TIMELESS: variants seen among roughly 807,000 people sequenced by gnomAD.
TIMELESS encodes timeless circadian regulator.
A neutral mutation model predicts 164.3 loss-of-function variants in TIMELESS; 124 were observed. The ratio of observed to expected loss-of-function variants is 0.75; its 90% CI spans 0.65 to 0.88. The LOEUF (loss-of-function observed/expected upper bound fraction) is 0.88, where lower values mean the gene tolerates loss of function less well. TIMELESS is among the 40% of genes least tolerant of loss of function. The probability of loss-of-function intolerance (pLI) is 0.00; values close to 1 mark genes in which losing one functional copy is unlikely to be tolerated. For missense variants in TIMELESS, 1,422 were observed against 1,491.4 expected (o/e 0.95, Z 0.77); for synonymous variants, 564 against 563.4 (o/e 1.00, Z -0.02).
At position 56,435,359 on chromosome 12, in the gene TIMELESS, A is replaced by T. The variant is rs570216582; in HGVS notation, c.-61-1128T>A. 7.9e-3 allele frequency among the ~76,000 whole-genome samples: 1,171 copies of T among 147,454 alleles called. 12 individuals are homozygous for T. Among genetic ancestry groups the T allele is most frequent in the African/African-American group, 0.027 (1,101 of 40,636 alleles). On this transcript the variant is annotated intron_variant, in intron 1 of 28. Transcript: ENST00000553532. ...ATCTCCCAAAGAATCATCTTCTTTTAAAAAAAAAAAAAAAAGAGAAACAGG... is the reference window on the plus strand; with the variant it reads ...ATCTCCCAAAGAATCATCTTCTTTTTAAAAAAAAAAAAAAAGAGAAACAGG...
At position 56,417,720 on chromosome 12, in the gene TIMELESS, T is replaced by C; in HGVS notation, c.3623A>G (p.Asp1208Gly). ...KRYQIEDDED[D>G] ...ACCCCTAGGCTTCTTAGCTCTTCAG[T>C]CATCCTCATCATCCTCAATCTGGTA... The change falls in exon 29 of 29, where the codon GAC becomes GGC. Residue 1208 changes from aspartate to glycine, a missense_variant. Coordinates refer to ENST00000553532, the MANE Select transcript of TIMELESS (RefSeq NM_003920.5). The C allele has an allele frequency of 3.7e-6, 6 of 1,614,186 alleles. No homozygotes were observed. Among genetic ancestry groups the C allele is most frequent in the Non-Finnish European group, 5.1e-6 (6 of 1,180,026 alleles).
chr12:56,437,978 G>A (rs1186120275), intron 1 of TIMELESS, among the ~76,000 whole-genome samples: 1 of 152,044 alleles, frequency 6.6e-6, no homozygotes, highest in Non-Finnish European at 1.5e-5. Flanking sequence ...AACTAATGCT[G>A]ATCTCATTTT....
chr12:56,421,342 G>A lies in TIMELESS; in HGVS notation c.2868+9C>T. On this transcript the variant is annotated intron_variant, in intron 23 of 28. Transcript: ENST00000553532. ...GCCCATGCCAGCAGAGCTAGGGTCA[G>A]ATTGTTACCAAGATGGAGGATGCCA... The A allele has an allele frequency of 3.7e-6, 6 of 1,613,090 alleles. No homozygotes were observed. The South Asian group carries it at 6.6e-5, about 18-fold the overall frequency.
chr12:56,422,395 CA>C (rs1881528036), intron 19 of TIMELESS, among the ~76,000 whole-genome samples: 1 of 152,166 alleles, frequency 6.6e-6, no homozygotes, highest in African/African-American at 2.4e-5. Flanking sequence ...AGAGATTTTC[CA>C]GGTTGGGCCA....
chr12:56,444,923 T>C (rs1013995062), intron 1 of TIMELESS, among the ~76,000 whole-genome samples: 3 of 151,372 alleles, frequency 2.0e-5, no homozygotes, highest in African/African-American at 7.3e-5. Flanking sequence ...AGCAAATCTG[T>C]ATTTCTGGCC....
intron 26 of TIMELESS, among the ~76,000 whole-genome samples, chr12:56,420,029 A>AAATAT (rs1555176447): frequency 8.0e-5 from 6 of 75,184 alleles, no homozygotes; most frequent in Middle Eastern, 6.6e-3. Flanking sequence ...AAAAAAAAAA[A>AAATAT]ATATATATAT....
Position 56,417,956 on chromosome 12 carries a change from T to C in TIMELESS, c.3507A>G (p.Gln1169=). 6.2e-7 allele frequency: 1 copy of C among 1,614,220 alleles called. No homozygotes were observed. The highest frequency in any genetic ancestry group is 2.2e-5 in the East Asian group (1 of 44,890). Residue 1169 remains glutamine (Q), a synonymous_variant, in exon 28 of 29, where the codon CAA becomes CAG. Coordinates refer to ENST00000553532, the MANE Select transcript of TIMELESS (RefSeq NM_003920.5). Reference sequence around the variant, plus strand: ...CCTGTTCCTCGTCGCTGTCCAGCAATTGTCGTTTCTTGGGTGCTGCCTTCA... The same window carrying C: ...CCTGTTCCTCGTCGCTGTCCAGCAACTGTCGTTTCTTGGGTGCTGCCTTCA... ...EPLKAAPKKR[Q]LLDSDEEQEE... is the part of the protein sequence containing the mutation.
chr12:56,425,194 G>C (rs752312919), intron 13 of TIMELESS, 42 bp from the exon 14 acceptor site: 2 of 1,519,264 alleles, frequency 1.3e-6, no homozygotes, highest in African/African-American at 3.1e-5. Flanking sequence ...GAGAGCTAAA[G>C]AGGGCTTTCC....
At chr12:56,418,509 C>G (rs1017998613) in intron 26 of TIMELESS, 150 bp from the exon 27 acceptor site, 5 of 604,820 alleles carry the variant, frequency 8.3e-6, no homozygotes, top group African/African-American at 1.9e-5. Context: ...TAATATATAC[C>G]CAGTGCCTAG....
rs528987963 is a variant in TIMELESS, at chr12:56,430,694, G to A, written c.909+187C>T. Among the ~76,000 whole-genome samples, 38 of 151,778 alleles carry A rather than the reference G, an allele frequency of 2.5e-4. 2 individuals carry two copies. Among genetic ancestry groups the A allele is most frequent in the Admixed American group, 2.3e-3 (35 of 15,252 alleles). On this transcript the variant is annotated intron_variant, in intron 9 of 28. Transcript: ENST00000553532. ...TAATTTAATTTTTTTTTTAGAGACAGGGTCTTGCCATGTTGCCCAGTCTGA... is the reference window on the plus strand; with the variant it reads ...TAATTTAATTTTTTTTTTAGAGACAAGGTCTTGCCATGTTGCCCAGTCTGA...
At chr12:56,427,313 G>C (rs953102037) in intron 13 of TIMELESS, among the ~76,000 whole-genome samples, 3 of 152,106 alleles carry the variant, frequency 2.0e-5, no homozygotes, top group African/African-American at 7.2e-5. Context: ...AGTAGAGAAG[G>C]AGTTTTGTCA....
intron 1 of TIMELESS, among the ~76,000 whole-genome samples, chr12:56,447,182 G>GTTT (rs144004569): frequency 1.1e-5 from 1 of 89,246 alleles, no homozygotes; most frequent in East Asian, 4.5e-4. Flanking sequence ...GCTAATTTTT[G>GTTT]TTTTTTTTTT....
rs1442469404 is a variant in TIMELESS, at chr12:56,417,366, C to T, written c.*350G>A. 4.7e-6 allele frequency: 1 copy of T among 213,196 alleles called. No homozygotes were observed. Among genetic ancestry groups the T allele is most frequent in the East Asian group, 1.0e-4 (1 of 9,528 alleles). The allele number at this position is 213,196 out of a possible 1,614,324, so 13.2% of individuals were successfully genotyped here. On this transcript the variant is annotated 3_prime_UTR_variant, in exon 29 of 29. Coordinates refer to ENST00000553532, the MANE Select transcript of TIMELESS (RefSeq NM_003920.5). ...GCTGCGACCCACCTCCAAGAGAAAG[C>T]CAAAGGAACAGACCAATAAAAGGGG...
At chr12:56,445,558 G>A (rs1868338648) in intron 1 of TIMELESS, among the ~76,000 whole-genome samples, 2 of 150,046 alleles carry the variant, frequency 1.3e-5, no homozygotes, top group African/African-American at 4.9e-5. Context: ...GACCAACATG[G>A]AGAAACCCTG....
Position 56,430,880 on chromosome 12 carries a change from C to G in TIMELESS, c.909+1G>C, listed in dbSNP as rs138326808. ...CCCACTCCAGATGTAAGAATACTCA[C>G]GTTGTGAAGGCCTTTGTGAAAGATG... On this transcript the variant is annotated splice_donor_variant, in intron 9 of 28. Coordinates refer to ENST00000553532, the MANE Select transcript of TIMELESS (RefSeq NM_003920.5). LOFTEE classifies it high-confidence loss of function. 1.3e-5 allele frequency: 20 copies of G among 1,589,182 alleles called. No individual in the cohort carries two copies. The African/African-American group carries it at 2.6e-4, about 21-fold the overall frequency.
At chr12:56,421,246 C>T in intron 23 of TIMELESS, 105 bp downstream of exon 23, 1 of 1,583,686 alleles carries the variant, frequency 6.3e-7, no homozygotes, top group Admixed American at 1.8e-5. Context: ...CTCGGAAGGA[C>T]CTGGTCAGAA....
In TIMELESS at chr12:56,421,801, G is replaced by C; in HGVS notation, c.2651C>G (p.Thr884Ser). The C allele has an allele frequency of 6.2e-7, 1 of 1,614,146 alleles. No homozygotes were observed. The highest frequency in any genetic ancestry group is 8.5e-7 in the Non-Finnish European group (1 of 1,180,008). Residue 884 changes from threonine to serine, a missense_variant, in exon 22 of 29, where the codon ACC (threonine) becomes AGC (serine). Transcript: ENST00000553532. ...ATCCCCCGTCCACAGTACAATATGG[G>C]TTCCTTTCCTGATTAGGAAGGTGTC... ...DSVKDFQRKG[T>S]HIVLWTGDQE...
intron 1 of TIMELESS, among the ~76,000 whole-genome samples, chr12:56,445,673 T>A (rs1209683683): frequency 3.3e-5 from 5 of 150,520 alleles, no homozygotes; most frequent in Non-Finnish European, 7.4e-5. Flanking sequence ...GAGGTTGCAG[T>A]GAGCTGAGAT....
intron 1 of TIMELESS, among the ~76,000 whole-genome samples, chr12:56,438,704 G>A (rs1048437915): frequency 2.7e-5 from 4 of 147,828 alleles, no homozygotes; most frequent in African/African-American, 1.0e-4. Context: ...CTTGAGCCTG[G>A]GAGGTGGAGG....
Sources: gnomAD v4.1 joint callset for allele counts (sites outside exome capture counted in the v4.1 genomes callset) on GRCh38, gnomAD v4.1.1 for gene constraint, MANE v1.5 for transcripts, NCBI Gene and HGNC (gene_info 2026-07-23, HGNC 2026-07-21) for gene names.